The following COL4A4 variants were observed in gnomAD, a reference collection of about 807,000 sequenced individuals.
COL4A4 encodes collagen type IV alpha 4 chain.
COL4A4 carries 105 observed loss-of-function variants against 192.9 expected under a neutral mutation model. The ratio of observed to expected loss-of-function variants is 0.54; its 90% CI spans 0.46 to 0.64. COL4A4 has a LOEUF of 0.64. Ranked by LOEUF, COL4A4 falls within the 30% of genes least tolerant of loss-of-function variation. The pLI is 0.00. For missense variants in COL4A4, 1,967 were observed against 2,169.3 expected (o/e 0.91, Z 1.85); for synonymous variants, 762 against 769.9 (o/e 0.99, Z 0.17).
intron 2 of COL4A4, among the ~76,000 whole-genome samples, chr2:227,146,782 G>A (rs1036697637): frequency 1.2e-4 from 18 of 152,134 alleles, no homozygotes; most frequent in South Asian, 2.1e-4. Context: ...GGCCAGTTGC[G>A]TCTCTCTTGC....
chr2:227,144,601 T>C, intron 2 of COL4A4, 43 bp from the exon 3 acceptor site: 1 of 1,471,284 alleles, frequency 6.8e-7, no homozygotes, highest in Non-Finnish European at 9.5e-7. Context: ...ACAGTTTCTT[T>C]TCATGTGAAA....
intron 37 of COL4A4, among the ~76,000 whole-genome samples, chr2:227,038,733 G>A (rs550196233): frequency 6.6e-6 from 1 of 152,196 alleles, no homozygotes; most frequent in East Asian, 1.9e-4. Context: ...TTTGAGTTCA[G>A]CAGCTGGTTT....
intron 11 of COL4A4, 82 bp downstream of exon 11, chr2:227,108,751 A>T: frequency 6.5e-7 from 1 of 1,528,392 alleles, no homozygotes; most frequent in Non-Finnish European, 9.0e-7. Flanking sequence ...ATAAGAGGAA[A>T]GCCATCATTC....
intron 25 of COL4A4, among the ~76,000 whole-genome samples, chr2:227,072,881 T>C (rs1163238989): frequency 6.6e-6 from 1 of 151,982 alleles, no homozygotes; most frequent in Non-Finnish European, 1.5e-5. Context: ...AAACAAGGCA[T>C]AGATGGGACC....
At chr2:227,089,612 T>TATATATATATATATATATATATATATAC (rs1383778504) in intron 21 of COL4A4, among the ~76,000 whole-genome samples, 1 of 141,874 alleles carries the variant, frequency 7.0e-6, no homozygotes, top group Non-Finnish European at 1.5e-5. Flanking sequence ...TATATATACA[T>TATATATATATATATATATATATATATAC]ACATATATAT....
chr2:227,003,184 C>T lies in COL4A4; in HGVS notation c.*4141G>A, dbSNP rs1043274463. The T allele has an allele frequency of 2.0e-5, 3 of 152,012 alleles. No individual in the cohort carries two copies. Among genetic ancestry groups the T allele is most frequent in the African/African-American group, 7.3e-5 (3 of 41,378 alleles). The allele number at this position is 152,012 out of a possible 1,614,324, so 9.4% of individuals were successfully genotyped here. ...TTGGCCACATATAAATAATTCTAAT[C>T]AGTAATTTATATACCCTGTGAGAAT... On this transcript the variant is annotated 3_prime_UTR_variant, in exon 48 of 48. Coordinates refer to ENST00000396625, the MANE Select transcript of COL4A4 (RefSeq NM_000092.5).
chr2:227,019,341 T>G (rs991656493), intron 44 of COL4A4, among the ~76,000 whole-genome samples: 8 of 152,232 alleles, frequency 5.3e-5, no homozygotes, highest in Non-Finnish European at 1.0e-4. Context: ...TATGCAACTA[T>G]TTTGGGGACC....
intron 30 of COL4A4, among the ~76,000 whole-genome samples, chr2:227,055,740 C>T (rs899108637): frequency 1.3e-5 from 2 of 152,078 alleles, no homozygotes; most frequent in African/African-American, 4.8e-5. Context: ...CACCTACAAA[C>T]CCCTTTTCCC....
intron 1 of COL4A4, among the ~76,000 whole-genome samples, chr2:227,149,785 G>A (rs922542119): frequency 2.0e-5 from 3 of 152,164 alleles, no homozygotes; most frequent in Admixed American, 1.3e-4. Context: ...TTGTGGTCAC[G>A]TTCCAGAGAG....
At chr2:227,012,049 C>G (rs1231018930) in intron 45 of COL4A4, 132 bp downstream of exon 45, 4 of 746,738 alleles carry the variant, frequency 5.4e-6, no homozygotes, top group South Asian at 4.3e-5. Flanking sequence ...TCTCTGATAC[C>G]TGGTGAGTCA....
At chr2:227,084,284 G>T (rs2059470863) in intron 22 of COL4A4, among the ~76,000 whole-genome samples, 1 of 152,088 alleles carries the variant, frequency 6.6e-6, no homozygotes, top group Non-Finnish European at 1.5e-5. Context: ...TAAATTATCA[G>T]GACAGAAAAC....
the COL4A4 span, chr2:226,988,231 A>G: frequency 9.4e-7 from 1 of 1,059,880 alleles, no homozygotes; most frequent in Non-Finnish European, 1.3e-6. Flanking sequence ...ATCAAGAAGC[A>G]AGAGGTTGGG....
At chr2:227,119,106 C>T (rs547089144) in intron 6 of COL4A4, among the ~76,000 whole-genome samples, 1 of 151,384 alleles carries the variant, frequency 6.6e-6, no homozygotes, top group Admixed American at 6.6e-5. Context: ...GTATTAAGCT[C>T]ACTACAAATA....
intron 41 of COL4A4, among the ~76,000 whole-genome samples, chr2:227,029,789 A>AT (rs1217084724): frequency 6.6e-6 from 1 of 152,244 alleles, no homozygotes; most frequent in African/African-American, 2.4e-5. Context: ...TAAAATAAAT[A>AT]TTTTAACCTC....
At chr2:227,090,529 G>GCCACCCAC (rs2059858429) in intron 20 of COL4A4, among the ~76,000 whole-genome samples, 1 of 152,000 alleles carries the variant, frequency 6.6e-6, no homozygotes. Context: ...TGGGTGGATT[G>GCCACCCAC]CTTGAGGTCA....
At chr2:227,059,210 A>C (rs1195487372) in intron 28 of COL4A4, among the ~76,000 whole-genome samples, 195 bp downstream of exon 28, 4 of 152,248 alleles carry the variant, frequency 2.6e-5, no homozygotes, top group African/African-American at 9.6e-5. Context: ...ATTTGAAAAC[A>C]ATCAATAAAG....
At chr2:227,096,891 G>A (rs2060232442) in intron 19 of COL4A4, among the ~76,000 whole-genome samples, 1 of 152,088 alleles carries the variant, frequency 6.6e-6, no homozygotes, top group Non-Finnish European at 1.5e-5. Context: ...AAATACTGTA[G>A]ATAATTACCA....
chr2:227,090,871 C>A (rs1159846285), intron 20 of COL4A4, among the ~76,000 whole-genome samples: 1 of 145,550 alleles, frequency 6.9e-6, no homozygotes, highest in Non-Finnish European at 1.5e-5. Flanking sequence ...CTTGGCAGAT[C>A]CTTAAAAAAA....
chr2:227,015,295 G>A (rs988679273), intron 44 of COL4A4, among the ~76,000 whole-genome samples: 4 of 152,150 alleles, frequency 2.6e-5, no homozygotes, highest in Non-Finnish European at 5.9e-5. Flanking sequence ...GTTGCTTATC[G>A]TAGTGAGAAA....
Sources: allele counts gnomAD v4.1 joint callset (sites outside exome capture counted in the v4.1 genomes callset), GRCh38; gene constraint gnomAD v4.1.1; transcripts MANE v1.5; gene names NCBI Gene and HGNC (gene_info 2026-07-23, HGNC 2026-07-21).